Variants in PCDHGB7 observed in about 807,000 individuals in gnomAD.
PCDHGB7 encodes protocadherin gamma subfamily B, 7, also known as protocadherin gamma-B7.
PCDHGB7 carries 37 observed loss-of-function variants against 61.4 expected under a neutral mutation model. The ratio of observed to expected loss-of-function variants is 0.60; its 90% CI spans 0.46 to 0.79. The LOEUF (loss-of-function observed/expected upper bound fraction) is 0.79, where lower values mean the gene tolerates loss of function less well. PCDHGB7 is among the 30% of genes least tolerant of loss of function. PCDHGB7 has a pLI of 0.00. For synonymous variants in PCDHGB7, 464 were observed against 503.5 expected, an observed-to-expected ratio of 0.92 and a Z score of 1.05; for missense variants, 1,166 against 1,202.5, an observed-to-expected ratio of 0.97 and a Z score of 0.45.
At chr5:141,445,268 C>A (rs2098461653) in intron 1 of PCDHGB7, among the ~76,000 whole-genome samples, 1 of 152,170 alleles carries the variant, frequency 6.6e-6, no homozygotes, top group Non-Finnish European at 1.5e-5. Flanking sequence ...TAAGTCGAAA[C>A]CACTCTGCAT....
Position 141,510,956 on chromosome 5 carries a change from A to T in PCDHGB7, c.2573A>T (p.Asp858Val). 1 of 1,614,104 alleles carries T rather than the reference A, an allele frequency of 6.2e-7. No homozygotes were observed. The highest frequency in any genetic ancestry group is 8.5e-7 in the Non-Finnish European group (1 of 1,179,996). The change falls in exon 4 of 4, where the codon GAT becomes GTT. Residue 858 changes from aspartate to valine, a missense_variant. Asp to Val is a radical substitution (Grantham distance 152). Transcript: ENST00000398594. ...MILASASEAA[D>V]GSSTLGGGAG... ...TCCTCTGTCTCTGCAGAAGCTGCTG[A>T]TGGGAGCTCCACCCTGGGAGGGGGT...
chr5:141,496,621 CA>C (rs2099769988), intron 2 of PCDHGB7, among the ~76,000 whole-genome samples: 1 of 152,332 alleles, frequency 6.6e-6, no homozygotes, highest in Non-Finnish European at 1.5e-5. Flanking sequence ...AGCAGCAGAT[CA>C]AAAGGCTTGG....
intron 1 of PCDHGB7, among the ~76,000 whole-genome samples, chr5:141,469,600 T>C (rs1276702104): frequency 6.6e-6 from 1 of 151,974 alleles, no homozygotes; most frequent in Non-Finnish European, 1.5e-5. Flanking sequence ...TAAAACAAAA[T>C]AAGTAAAATA....
chr5:141,501,290 TAC>T (rs55762287), intron 2 of PCDHGB7, among the ~76,000 whole-genome samples: 11,544 of 136,022 alleles, frequency 0.085, 708 homozygotes, highest in East Asian at 0.37. Context: ...TATTCCCTTA[TAC>T]ACACACACAC....
At position 141,485,731 on chromosome 5, in the gene PCDHGB7, C is replaced by G; in HGVS notation, c.2416-9076C>G. 6.2e-7 allele frequency: 1 copy of G among 1,614,152 alleles called. No homozygotes were observed. Among genetic ancestry groups the G allele is most frequent in the Non-Finnish European group, 8.5e-7 (1 of 1,180,022 alleles). ...TTGCACTGGATGTGAAGAAGCGCAG[C>G]GACGGCAGCCTGGTCCCAGAGCTGC... On this transcript the variant is annotated intron_variant, in intron 1 of 3. Transcript: ENST00000398594. The surrounding 1 kb of genome is among the most constrained non-coding windows in gnomAD (Gnocchi z 5.7).
At chr5:141,424,016 T>G in intron 1 of PCDHGB7, 16 of 1,038,360 alleles carry the variant, frequency 1.5e-5, no homozygotes, top group Non-Finnish European at 1.3e-5. Context: ...AAATTAATGA[T>G]TCACAAACAC....
At chr5:141,499,625 C>A (rs1238895570) in intron 2 of PCDHGB7, among the ~76,000 whole-genome samples, 1 of 149,832 alleles carries the variant, frequency 6.7e-6, no homozygotes, top group East Asian at 2.0e-4. Flanking sequence ...TCCTTGGATT[C>A]TTTTGAAGCA....
Position 141,490,148 on chromosome 5 carries a change from A to T in PCDHGB7, c.2416-4659A>T. On this transcript the variant is annotated intron_variant, in intron 1 of 3. Transcript: ENST00000398594. This position sits in a 1 kb window ranked among gnomAD's most constrained non-coding sequence, Gnocchi z 5.4. The stretch of plus-strand genomic sequence containing the variant: ...CTAGACCCTAGCAGTGGGGCAATCC[A>T]TGTGTTGGGTCCCATAGACTTTGAG... The T allele has an allele frequency of 6.2e-7, 1 of 1,614,232 alleles. No homozygotes were observed. The highest frequency in any genetic ancestry group is 1.3e-5 in the African/African-American group (1 of 75,068).
intron 1 of PCDHGB7, among the ~76,000 whole-genome samples, chr5:141,437,629 G>A (rs538730617): frequency 6.6e-6 from 1 of 152,284 alleles, no homozygotes; most frequent in Non-Finnish European, 1.5e-5. Flanking sequence ...CATATAAGAT[G>A]TCAGGTTCAG....
chr5:141,474,961 AATC>A (rs2099357151), intron 1 of PCDHGB7, among the ~76,000 whole-genome samples: 1 of 152,254 alleles, frequency 6.6e-6, no homozygotes, highest in African/African-American at 2.4e-5. Flanking sequence ...TCACTATCCT[AATC>A]ATTATAATTT....
intron 1 of PCDHGB7, chr5:141,427,312 C>T (rs1438759401): frequency 4.4e-6 from 2 of 456,954 alleles, no homozygotes; most frequent in East Asian, 6.9e-5. Context: ...GACAATGCCC[C>T]AGACGTGGTT....
intron 1 of PCDHGB7, among the ~76,000 whole-genome samples, chr5:141,461,804 C>A (rs559757409): frequency 1.4e-3 from 212 of 152,036 alleles, no homozygotes; most frequent in African/African-American, 5.0e-3. Context: ...CAGGTGCCCA[C>A]CACCACACCC....
intron 1 of PCDHGB7, chr5:141,468,330 C>CAAAAAAAAA (rs533390277): frequency 1.3e-5 from 1 of 79,886 alleles, no homozygotes; most frequent in African/African-American, 3.9e-5. Context: ...AACTCCATCT[C>CAAAAAAAAA]AAAAAAAAAA....
chr5:141,487,196 G>A lies in PCDHGB7; in HGVS notation c.2416-7611G>A. On this transcript the variant is annotated intron_variant, in intron 1 of 3. Coordinates refer to ENST00000398594, the MANE Select transcript of PCDHGB7 (RefSeq NM_018927.4). This position sits in a 1 kb window ranked among gnomAD's most constrained non-coding sequence, Gnocchi z 5.0. Reference sequence around the variant, plus strand: ...GGAAGACACTCATCCAGTTGTCCCAGATCTTCGAGAATCTTCAGCTCCAAG... The same window carrying A: ...GGAAGACACTCATCCAGTTGTCCCAAATCTTCGAGAATCTTCAGCTCCAAG... The A allele has an allele frequency of 1.2e-6, 2 of 1,613,878 alleles. No homozygotes were observed. The highest frequency in any genetic ancestry group is 8.5e-7 in the Non-Finnish European group (1 of 1,179,796).
chr5:141,494,897 C>T (rs1194879883), intron 2 of PCDHGB7, 32 bp downstream of exon 2: 2 of 1,614,122 alleles, frequency 1.2e-6, no homozygotes, highest in South Asian at 2.2e-5. Flanking sequence ...CCACCCTCTT[C>T]TCTGCGGCAT....
At position 141,490,735 on chromosome 5, in the gene PCDHGB7, C is replaced by T; in HGVS notation, c.2416-4072C>T. The T allele has an allele frequency of 2.5e-6, 4 of 1,614,194 alleles. No individual in the cohort carries two copies. Among genetic ancestry groups the T allele is most frequent in the Non-Finnish European group, 2.5e-6 (3 of 1,180,018 alleles). ...CTACTCCATTGTAGGAAATCAGGTTCAGGGAGCCCCAGCCTCCTCCTTTGT... is the reference window on the plus strand; with the variant it reads ...CTACTCCATTGTAGGAAATCAGGTTTAGGGAGCCCCAGCCTCCTCCTTTGT... On this transcript the variant is annotated intron_variant, in intron 1 of 3. Transcript: ENST00000398594. This position sits in a 1 kb window ranked among gnomAD's most constrained non-coding sequence, Gnocchi z 5.4.
intron 2 of PCDHGB7, among the ~76,000 whole-genome samples, chr5:141,498,260 A>C (rs1044675509): frequency 6.6e-6 from 1 of 152,140 alleles, no homozygotes; most frequent in Non-Finnish European, 1.5e-5. Flanking sequence ...GCTGGTGTTG[A>C]GTTCTTCAGT....
intron 1 of PCDHGB7, chr5:141,423,369 A>C: frequency 1.9e-6 from 3 of 1,614,104 alleles, no homozygotes; most frequent in Non-Finnish European, 2.5e-6. Flanking sequence ...TGCTGCTGGC[A>C]CTCAGGCTGT....
At chr5:141,463,553 A>G (rs1163004575) in intron 1 of PCDHGB7, among the ~76,000 whole-genome samples, 3 of 140,962 alleles carry the variant, frequency 2.1e-5, no homozygotes, top group Non-Finnish European at 4.5e-5. Context: ...GGTTCATGCC[A>G]TTCTCCTGCC....
Sources: allele counts gnomAD v4.1 joint callset (sites outside exome capture counted in the v4.1 genomes callset), GRCh38; gene constraint gnomAD v4.1.1; non-coding constraint Gnocchi (gnomAD v3.1); transcripts MANE v1.5; gene names NCBI Gene and HGNC (gene_info 2026-07-23, HGNC 2026-07-21).